The following PLCB4 variants were observed in gnomAD, a reference collection of about 807,000 sequenced individuals.
PLCB4 encodes the protein phospholipase C beta 4.
A neutral mutation model predicts 178.8 loss-of-function variants in PLCB4; 77 were observed. That is an observed-to-expected ratio of 0.43 (90% CI 0.36 to 0.52). PLCB4 has a LOEUF of 0.52. PLCB4 is among the 20% of genes least tolerant of loss of function. The pLI, the probability that PLCB4 is intolerant of heterozygous loss-of-function variation, is 0.00. For missense variants in PLCB4, 1,024 were observed against 1,453.4 expected (o/e 0.70, Z 4.80); for synonymous variants, 496 against 490.8 (o/e 1.01, Z -0.14).
At chr20:9,209,762 G>A (rs1256649832) in intron 2 of PLCB4, among the ~76,000 whole-genome samples, 1 of 152,020 alleles carries the variant, frequency 6.6e-6, no homozygotes, top group Non-Finnish European at 1.5e-5. Flanking sequence ...AGAAAACCCA[G>A]AAACTCCTGG....
chr20:9,246,309 C>A (rs187449041), intron 3 of PLCB4, among the ~76,000 whole-genome samples: 37 of 152,208 alleles, frequency 2.4e-4, no homozygotes, highest in Non-Finnish European at 4.3e-4. Context: ...ACTATACATA[C>A]CTTCAATGGC....
intron 3 of PLCB4, among the ~76,000 whole-genome samples, chr20:9,271,893 G>A (rs551937786): frequency 2.6e-5 from 4 of 152,024 alleles, no homozygotes; most frequent in African/African-American, 9.6e-5. Flanking sequence ...AAGGCATCAT[G>A]GGGCTGGGTG....
chr20:9,400,092 C>CTTG (rs1025757435), intron 19 of PLCB4, among the ~76,000 whole-genome samples: 12 of 152,176 alleles, frequency 7.9e-5, no homozygotes, highest in Admixed American at 2.0e-4. Context: ...CAATTACCCA[C>CTTG]TTGTTGTTGT....
intron 7 of PLCB4, among the ~76,000 whole-genome samples, chr20:9,359,241 G>GT (rs1384489203): frequency 3.3e-5 from 5 of 152,282 alleles, no homozygotes; most frequent in South Asian, 4.1e-4. Context: ...TGATAGATGG[G>GT]TAAGAGCAAG....
chr20:9,249,774 C>T (rs1040082850), intron 3 of PLCB4, among the ~76,000 whole-genome samples: 5 of 152,190 alleles, frequency 3.3e-5, no homozygotes, highest in Non-Finnish European at 1.5e-5. Context: ...GAAACACTAT[C>T]TCAACGTGCT....
At chr20:9,154,905 C>CTCCCT (rs2092757965) in intron 2 of PLCB4, among the ~76,000 whole-genome samples, 1 of 62,338 alleles carries the variant, frequency 1.6e-5, no homozygotes, top group Admixed American at 2.0e-4. Context: ...CCCTCCTTCC[C>CTCCCT]TCCTTCCTTC....
In PLCB4 at chr20:9,407,979, C is replaced by T. The variant is rs1484820863; in HGVS notation, c.1710C>T (p.Thr570=). The T allele has an allele frequency of 6.2e-7, 1 of 1,611,198 alleles. No homozygotes were observed. The highest frequency in any genetic ancestry group is 8.5e-7 in the Non-Finnish European group (1 of 1,177,304). Residue 570 remains threonine (T), a synonymous_variant, in exon 22 of 40, where the codon ACC becomes ACT. Transcript: ENST00000378473. ...WMASYKYVGA[T]TNIHPYLSTM... ...CATCTTATAAATATGTAGGTGCTAC[C>T]ACTAATATCCATCCATATTTGTCCA...
chr20:9,309,069 G>A (rs1336020703), intron 4 of PLCB4, among the ~76,000 whole-genome samples: 1 of 151,740 alleles, frequency 6.6e-6, no homozygotes, highest in East Asian at 1.9e-4. Flanking sequence ...AAAATATAAA[G>A]CAGATCCCAT....
At chr20:9,337,835 T>C (rs2032672257) in intron 5 of PLCB4, among the ~76,000 whole-genome samples, 173 bp from the exon 6 acceptor site, 1 of 152,144 alleles carries the variant, frequency 6.6e-6, no homozygotes, top group Non-Finnish European at 1.5e-5. Context: ...ACTTGGGGTC[T>C]TGATTATTTC....
intron 32 of PLCB4, among the ~76,000 whole-genome samples, chr20:9,450,403 A>C (rs1363172740): frequency 6.6e-6 from 1 of 152,280 alleles, no homozygotes; most frequent in Admixed American, 6.5e-5. Flanking sequence ...GGTGTCTGGG[A>C]ATCAAGTTAT....
intron 2 of PLCB4, among the ~76,000 whole-genome samples, chr20:9,136,807 A>T (rs151124411): frequency 3.9e-5 from 6 of 152,234 alleles, no homozygotes; most frequent in Middle Eastern, 3.4e-3. Context: ...ATTGAAACTG[A>T]TACCATCAGT....
At chr20:9,277,733 C>T (rs373524195) in intron 3 of PLCB4, among the ~76,000 whole-genome samples, 26 of 151,992 alleles carry the variant, frequency 1.7e-4, no homozygotes, top group East Asian at 1.4e-3. Context: ...GACATAATGA[C>T]CGAGGGTACC....
chr20:9,459,517 C>G, intron 34 of PLCB4, 118 bp from the exon 35 acceptor site: 1 of 607,768 alleles, frequency 1.6e-6, no homozygotes, highest in Admixed American at 2.9e-5. Context: ...ATAGGTGTCT[C>G]ATGATTCACC....
intron 12 of PLCB4, 73 bp downstream of exon 12, chr20:9,373,177 T>C: frequency 1.4e-6 from 1 of 715,328 alleles, no homozygotes; most frequent in East Asian, 2.7e-5. Context: ...CCTCATTGCA[T>C]GCCTGCATCA....
chr20:9,144,763 GGAGGGGA>G (rs2092566162), intron 2 of PLCB4, among the ~76,000 whole-genome samples: 1 of 83,804 alleles, frequency 1.2e-5, no homozygotes, highest in Non-Finnish European at 2.3e-5. Flanking sequence ...AGGAGGGGAA[GGAGGGGA>G]ATGAGGGGGA....
intron 3 of PLCB4, among the ~76,000 whole-genome samples, chr20:9,304,083 T>G (rs2094736245): frequency 6.7e-6 from 1 of 149,790 alleles, no homozygotes; most frequent in South Asian, 2.1e-4. Context: ...ACAATTAACT[T>G]TTGCTTTTAC....
Position 9,387,667 on chromosome 20 carries a change from A to G in PLCB4, c.1158+111A>G, listed in dbSNP as rs1036418819. On this transcript the variant is annotated intron_variant, in intron 15 of 39. Coordinates refer to ENST00000378473, the MANE Select transcript of PLCB4 (RefSeq NM_001377142.1). Reference sequence around the variant, plus strand: ...TCATTTTCTCAAGCATTATGCCTTCATATTCCCTTCTTCCAGTCTTGAGGA... The same window carrying G: ...TCATTTTCTCAAGCATTATGCCTTCGTATTCCCTTCTTCCAGTCTTGAGGA... 25 of 539,768 alleles carry G rather than the reference A, an allele frequency of 4.6e-5. No individual in the cohort carries two copies. The Admixed American group carries it at 5.4e-4, about 12-fold the overall frequency. 33.4% of individuals were successfully genotyped at this position (539,768 alleles called of 1,614,324 possible).
At chr20:9,163,093 T>C (rs1330609271) in intron 2 of PLCB4, among the ~76,000 whole-genome samples, 1 of 152,122 alleles carries the variant, frequency 6.6e-6, no homozygotes, top group Non-Finnish European at 1.5e-5. Context: ...CCACTGATTT[T>C]AGTACCAAGA....
chr20:9,438,465 A>T (rs2041917247), intron 30 of PLCB4, among the ~76,000 whole-genome samples: 1 of 152,140 alleles, frequency 6.6e-6, no homozygotes, highest in Non-Finnish European at 1.5e-5. Flanking sequence ...TCAAGGACAG[A>T]TCCCAGAGAT....
Sources: allele counts gnomAD v4.1 joint callset (sites outside exome capture counted in the v4.1 genomes callset), GRCh38; gene constraint gnomAD v4.1.1; transcripts MANE v1.5; gene names NCBI Gene and HGNC (gene_info 2026-07-23, HGNC 2026-07-21).